Variants in SPIRE2 observed in about 807,000 individuals in gnomAD.
SPIRE2 encodes the protein protein spire homolog 2.
In SPIRE2, 76 loss-of-function variants were observed where a neutral mutation model predicts 80.7. The ratio of observed to expected loss-of-function variants is 0.94; its 90% CI spans 0.78 to 1.14. The LOEUF is 1.14. Ranked by LOEUF, SPIRE2 falls within the 50% of genes most tolerant of loss-of-function variation. The pLI is 0.00. For missense variants in SPIRE2, 1,196 were observed against 1,015.3 expected (o/e 1.18, Z -2.42); for synonymous variants, 535 against 432.6 (o/e 1.24, Z -2.94).
At chr16:89,846,175 G>C (rs1352116575) in intron 2 of SPIRE2, 1 of 153,100 alleles carries the variant, frequency 6.5e-6, no homozygotes, top group African/African-American at 2.4e-5. Context: ...GGGATTACAG[G>C]AGTGAGCCAC....
intron 1 of SPIRE2, among the ~76,000 whole-genome samples, chr16:89,837,953 C>T (rs570021182): frequency 2.0e-5 from 3 of 152,294 alleles, no homozygotes; most frequent in East Asian, 1.9e-4. Flanking sequence ...CTCCTGGTTT[C>T]GTGCGGGCGT....
At chr16:89,850,088 G>C in intron 2 of SPIRE2, 1 of 680,224 alleles carries the variant, frequency 1.5e-6, no homozygotes, top group Non-Finnish European at 2.7e-6. Flanking sequence ...CGCCCGCCTC[G>C]GCCTCCCAAA....
At chr16:89,845,695 G>A in intron 2 of SPIRE2, 1 of 668,008 alleles carries the variant, frequency 1.5e-6, no homozygotes, top group South Asian at 1.6e-5. Flanking sequence ...GGGTCAGGGA[G>A]ACGACTTCAG....
At chr16:89,846,797 C>G (rs1191701399) in intron 2 of SPIRE2, 1 of 142,090 alleles carries the variant, frequency 7.0e-6, no homozygotes, top group Non-Finnish European at 1.5e-5. Context: ...AGGTGTGAGC[C>G]ATCACGCCCA....
rs914274005 is a variant in SPIRE2 at position 89,860,915 on chromosome 16, G to C, written c.1575+120G>C. 17 of 617,686 alleles carry C rather than the reference G, an allele frequency of 2.8e-5. No homozygotes were observed. In the African/African-American group the frequency reaches 3.2e-4, roughly 11 times the overall value. The allele number at this position is 617,686 out of a possible 1,614,324, so 38.3% of individuals were successfully genotyped here. Reference sequence around the variant, plus strand: ...CACCTGTCTGGGGGGTGTGGCCTGAGCGTCCGTCTGGGGGGGCGCGGTCTG... The same window carrying C: ...CACCTGTCTGGGGGGTGTGGCCTGACCGTCCGTCTGGGGGGGCGCGGTCTG... On this transcript the variant is annotated intron_variant, in intron 10 of 14. Coordinates refer to ENST00000378247, the MANE Select transcript of SPIRE2 (RefSeq NM_032451.2).
chr16:89,845,716 G>GA (rs1436962474), intron 2 of SPIRE2: 1 of 641,812 alleles, frequency 1.6e-6, no homozygotes, highest in Non-Finnish European at 2.8e-6. Flanking sequence ...GTGCAAACAG[G>GA]AAAAATCAGC....
chr16:89,836,278 C>T lies in SPIRE2; in HGVS notation c.244+7484C>T. On this transcript the variant is annotated intron_variant, in intron 1 of 14. Coordinates refer to ENST00000378247, the MANE Select transcript of SPIRE2 (RefSeq NM_032451.2). ...GGGTCAGCACCTGGACCCTCAACTGCCACTGTAAGCTCCTCTCGGTACATG... is the reference window on the plus strand; with the variant it reads ...GGGTCAGCACCTGGACCCTCAACTGTCACTGTAAGCTCCTCTCGGTACATG... 8.8e-6 allele frequency: 4 copies of T among 455,954 alleles called. 1 individual carries two copies. Among genetic ancestry groups the T allele is most frequent in the South Asian group, 4.6e-5 (3 of 64,552 alleles). The allele number at this position is 455,954 out of a possible 1,614,324, so 28.2% of individuals were successfully genotyped here. A position where few individuals can be genotyped will look rare whatever the true frequency, so the allele number is the denominator to read the frequency against.
Position 89,869,045 on chromosome 16 carries a change from A to ACATATATATATATATATAT in SPIRE2, c.1807-522_1807-521insCATATATATATATATATAT, listed in dbSNP as rs1185522189. 1.3e-3 allele frequency among the ~76,000 whole-genome samples: 49 copies of ACATATATATATATATATAT among 37,170 alleles called. 8 individuals carry two copies. In the East Asian group the frequency reaches 0.083, roughly 63 times the overall value. 24.4% of individuals were successfully genotyped at this position (37,170 alleles called of 152,430 possible). A position where few individuals can be genotyped will look rare whatever the true frequency, so the allele number is the denominator to read the frequency against. On this transcript the variant is annotated intron_variant, in intron 13 of 14. Coordinates refer to ENST00000378247, the MANE Select transcript of SPIRE2 (RefSeq NM_032451.2). ...GATCTGTGTCTTAAAAAAAAAAAAA[A>ACATATATATATATATATAT]AAAAAAAAATATATATATATATATA...
chr16:89,834,012 G>T (rs2041414239), intron 1 of SPIRE2, among the ~76,000 whole-genome samples: 1 of 152,206 alleles, frequency 6.6e-6, no homozygotes, highest in African/African-American at 2.4e-5. Context: ...TCACCTCTGA[G>T]CAAGGGTTAC....
intron 12 of SPIRE2, 79 bp from the exon 13 acceptor site, chr16:89,868,110 G>C: frequency 1.3e-6 from 2 of 1,523,336 alleles, no homozygotes; most frequent in East Asian, 2.2e-5. Context: ...CGGATGCGTG[G>C]AGGCCGGGAT....
At chr16:89,835,521 C>T (rs1026239873) in intron 1 of SPIRE2, among the ~76,000 whole-genome samples, 2 of 152,118 alleles carry the variant, frequency 1.3e-5, no homozygotes, top group Admixed American at 6.6e-5. Flanking sequence ...TGGTGAGAGC[C>T]GGCTCCCACA....
Position 89,828,821 on chromosome 16 carries a change from G to A in SPIRE2, c.244+27G>A. The A allele has an allele frequency of 1.7e-5, 20 of 1,173,706 alleles. No individual in the cohort carries two copies. The highest frequency in any genetic ancestry group is 2.1e-5 in the Non-Finnish European group (20 of 950,304). 72.7% of individuals were successfully genotyped at this position (1,173,706 alleles called of 1,614,324 possible). ...TGAGGCCGGGGGCGGGGCAGCCGGC[G>A]GGGACCGCGGTCTGGGGCGTCCGTC... On this transcript the variant is annotated intron_variant, in intron 1 of 14. Transcript: ENST00000378247. This position sits in a 1 kb window ranked among gnomAD's most constrained non-coding sequence, Gnocchi z 5.9.
At chr16:89,848,324 GT>G (rs2041583845) in intron 2 of SPIRE2, among the ~76,000 whole-genome samples, 1 of 152,258 alleles carries the variant, frequency 6.6e-6, no homozygotes, top group Admixed American at 6.5e-5. Context: ...TCTAGGATGT[GT>G]CTTGCCCGCC....
chr16:89,856,268 C>T (rs1470812758), intron 7 of SPIRE2, 32 bp downstream of exon 7: 2 of 1,543,096 alleles, frequency 1.3e-6, no homozygotes, highest in Non-Finnish European at 1.8e-6. Context: ...GAAGAGAGCC[C>T]TGAGCCCCCG....
chr16:89,843,673 T>A (rs2041525338), intron 1 of SPIRE2, among the ~76,000 whole-genome samples: 1 of 56,234 alleles, frequency 1.8e-5, no homozygotes, highest in Non-Finnish European at 3.0e-5. Flanking sequence ...CCACGTTTTT[T>A]TTTTTTTGTT....
intron 1 of SPIRE2, among the ~76,000 whole-genome samples, chr16:89,836,797 T>A (rs1253480898): frequency 2.1e-5 from 3 of 143,154 alleles, no homozygotes; most frequent in Non-Finnish European, 3.0e-5. Flanking sequence ...CTGACCAACA[T>A]GGAGAAACCC....
At chr16:89,845,641 G>C in intron 2 of SPIRE2, 3 of 701,158 alleles carry the variant, frequency 4.3e-6, no homozygotes, top group Non-Finnish European at 7.8e-6. Flanking sequence ...CAGATGAGGG[G>C]CACAGCTGAC....
intron 1 of SPIRE2, among the ~76,000 whole-genome samples, chr16:89,838,918 C>G (rs1017183754): frequency 7.3e-5 from 11 of 150,018 alleles, no homozygotes; most frequent in African/African-American, 2.7e-4. Context: ...CTAGTAGAGA[C>G]GGGGTTTCAC....
chr16:89,831,428 C>T (rs1173856440), intron 1 of SPIRE2, among the ~76,000 whole-genome samples: 1 of 145,230 alleles, frequency 6.9e-6, no homozygotes, highest in African/African-American at 2.5e-5. Flanking sequence ...GAGACAGTCT[C>T]GCTCTGTCGC....
Sources: gnomAD v4.1 joint callset for allele counts (sites outside exome capture counted in the v4.1 genomes callset) on GRCh38, gnomAD v4.1.1 for gene constraint, Gnocchi (gnomAD v3.1) non-coding constraint, MANE v1.5 for transcripts, NCBI Gene and HGNC (gene_info 2026-07-23, HGNC 2026-07-21) for gene names.